Variants in ZNF600 observed in about 807,000 individuals in gnomAD.
The protein encoded by ZNF600 is zinc finger protein KR-ZNF1.
A neutral mutation model predicts 7.3 loss-of-function variants in ZNF600; 4 were observed. The observed-to-expected ratio is 0.55, with a 90% CI of 0.27 to 1.25. The LOEUF is 1.25. ZNF600 is among the 50% of genes most tolerant of loss of function. The probability of loss-of-function intolerance (pLI) is 0.12; values close to 1 mark genes in which losing one functional copy is unlikely to be tolerated. For synonymous variants in ZNF600, 290 were observed against 308.9 expected (o/e 0.94, Z 0.64); for missense variants, 911 against 922.1 (o/e 0.99, Z 0.16).
the ZNF600 span, among the ~76,000 whole-genome samples, chr19:52,812,118 A>G: frequency 3.5e-5 from 4 of 114,082 alleles, no homozygotes; most frequent in African/African-American, 4.7e-5. Flanking sequence ...CTGCCTGGCC[A>G]GCCGCCCCGT....
At chr19:52,777,438 G>A (rs1300548477) in intron 2 of ZNF600, among the ~76,000 whole-genome samples, 1 of 151,992 alleles carries the variant, frequency 6.6e-6, no homozygotes, top group Non-Finnish European at 1.5e-5. Context: ...CAATTTGGGA[G>A]GCCAAGGTGG....
the ZNF600 span, among the ~76,000 whole-genome samples, chr19:52,820,551 C>A: frequency 6.6e-6 from 1 of 152,084 alleles, no homozygotes; most frequent in Non-Finnish European, 1.5e-5. Flanking sequence ...TGGACCCAGT[C>A]TGGCACCCCA....
At chr19:52,800,025 T>G in the ZNF600 span, 1 of 1,614,214 alleles carries the variant, frequency 6.2e-7, no homozygotes, top group Non-Finnish European at 8.5e-7. Context: ...ATTACACTTG[T>G]AAGGTTTCTC....
chr19:52,772,739 G>A lies in ZNF600; in HGVS notation c.190+1836C>T, dbSNP rs1012279119. ...GTACGGTAAGTGAGGGACAAGACTT[G>A]ATCCTGGGCATGAAGGATCCCATGA... On this transcript the variant is annotated intron_variant, in intron 3 of 3. Transcript: ENST00000648973. Among the ~76,000 whole-genome samples, 14 of 152,314 alleles carry A rather than the reference G, an allele frequency of 9.2e-5. 2 individuals carry two copies. In the Middle Eastern group the frequency reaches 0.024, roughly 259 times the overall value.
chr19:52,767,657 G>A, exon 4 of ZNF600: 3 of 1,614,010 alleles, frequency 1.9e-6, no homozygotes, highest in Non-Finnish European at 2.5e-6. Context: ...TTTCCTGGAA[G>A]CAAAAATCTC....
the ZNF600 span, among the ~76,000 whole-genome samples, chr19:52,829,395 A>T: frequency 8.5e-6 from 1 of 117,460 alleles, no homozygotes; most frequent in South Asian, 2.7e-4. Flanking sequence ...TATTTTTGAG[A>T]AAGAGTTTCA....
exon 4 of ZNF600, chr19:52,766,092 T>C: frequency 6.2e-7 from 1 of 1,614,178 alleles, no homozygotes; most frequent in Non-Finnish European, 8.5e-7. Flanking sequence ...CTCATTACAC[T>C]TGTAAGGTTT....
the ZNF600 span, chr19:52,798,612 C>G: frequency 6.9e-6 from 3 of 437,582 alleles, no homozygotes; most frequent in South Asian, 4.9e-5. Context: ...GTGAGTTTCT[C>G]TCCTGTATGA....
At position 52,772,949 on chromosome 19, in the gene ZNF600, T is replaced by C. The variant is rs373996023; in HGVS notation, c.190+1626A>G. 1.6e-3 allele frequency among the ~76,000 whole-genome samples: 246 copies of C among 151,792 alleles called. 1 individual carries two copies. Among genetic ancestry groups the C allele is most frequent in the African/African-American group, 4.5e-3 (185 of 41,102 alleles). On this transcript the variant is annotated intron_variant, in intron 3 of 3. Coordinates refer to ENST00000648973, the Ensembl canonical transcript of ZNF600. Reference sequence around the variant, plus strand: ...TCATGGATCATGTGCTGAGTCATGATGCCCTGCACACACTGATTTAAGCGG... The same window carrying C: ...TCATGGATCATGTGCTGAGTCATGACGCCCTGCACACACTGATTTAAGCGG...
At chr19:52,801,752 T>C in the ZNF600 span, 5 of 1,510,204 alleles carry the variant, frequency 3.3e-6, no homozygotes, top group South Asian at 4.9e-5. Flanking sequence ...AGATGGTGTA[T>C]AATACTGAAA....
At chr19:52,783,946 T>G (rs983302670) in intron 1 of ZNF600, among the ~76,000 whole-genome samples, 5 of 152,102 alleles carry the variant, frequency 3.3e-5, no homozygotes, top group Non-Finnish European at 7.4e-5. Flanking sequence ...TGGTGGCGCA[T>G]GCCAGTAATC....
intron 3 of ZNF600, among the ~76,000 whole-genome samples, chr19:52,771,885 T>C (rs1037729256): frequency 6.6e-6 from 1 of 152,166 alleles, no homozygotes; most frequent in African/African-American, 2.4e-5. Flanking sequence ...AGTGCTGGAA[T>C]TAGAGGCCTA....
the ZNF600 span, among the ~76,000 whole-genome samples, chr19:52,794,275 A>T: frequency 2.0e-5 from 3 of 152,182 alleles, no homozygotes; most frequent in Admixed American, 2.0e-4. Flanking sequence ...TTTGGAGGAC[A>T]GGAATCCATT....
At chr19:52,774,833 A>AT in intron 2 of ZNF600, 132 bp from the exon 5 acceptor site, 8 of 980,386 alleles carry the variant, frequency 8.2e-6, no homozygotes, top group Non-Finnish European at 9.7e-6. Flanking sequence ...TATTTTGAAT[A>AT]TTTTTTCCCT....
chr19:52,796,296 G>A, the ZNF600 span, among the ~76,000 whole-genome samples: 1 of 152,122 alleles, frequency 6.6e-6, no homozygotes, highest in Non-Finnish European at 1.5e-5. Context: ...TGAGGCTGCA[G>A]TTTACTTTCA....
At chr19:52,786,741 A>ACC in exon 1 of ZNF600, 1 of 380,084 alleles carries the variant, frequency 2.6e-6, no homozygotes, top group Non-Finnish European at 5.5e-6. Flanking sequence ...GCGCCGTGGT[A>ACC]GGACCTTCAC....
the ZNF600 span, among the ~76,000 whole-genome samples, chr19:52,822,965 A>G: frequency 6.6e-6 from 1 of 152,210 alleles, no homozygotes; most frequent in South Asian, 2.1e-4. Context: ...CCAAGTAGAG[A>G]CGTTAAGGTT....
the ZNF600 span, among the ~76,000 whole-genome samples, chr19:52,819,236 T>C: frequency 7.6e-6 from 1 of 131,628 alleles, no homozygotes; most frequent in East Asian, 2.1e-4. Context: ...AAGTGAAGAG[T>C]TGGGCTTTTG....
the ZNF600 span, among the ~76,000 whole-genome samples, chr19:52,808,341 A>T: frequency 7.9e-5 from 12 of 152,346 alleles, no homozygotes; most frequent in Admixed American, 1.3e-4. Context: ...GTTTGTGAAA[A>T]ATTCAAGAAA....
Sources: allele counts gnomAD v4.1 joint callset (sites outside exome capture counted in the v4.1 genomes callset), GRCh38; gene constraint gnomAD v4.1.1; transcripts MANE v1.5; gene names NCBI Gene and HGNC (gene_info 2026-07-23, HGNC 2026-07-21).